Variants in EFHC2 observed in about 807,000 individuals in gnomAD.
EFHC2 encodes the protein EF-hand domain-containing family member C2.
A neutral mutation model predicts 52.7 loss-of-function variants in EFHC2; 18 were observed. The ratio of observed to expected loss-of-function variants is 0.34; its 90% CI spans 0.24 to 0.51. The LOEUF (loss-of-function observed/expected upper bound fraction) is 0.51. Ranked by LOEUF, EFHC2 falls within the 20% of genes least tolerant of loss-of-function variation. The pLI, the probability that EFHC2 is intolerant of heterozygous loss-of-function variation, is 0.97. For missense variants in EFHC2, 513 were observed against 562.5 expected, an observed-to-expected ratio of 0.91 and a Z score of 0.89; for synonymous variants, 203 against 204.1, an observed-to-expected ratio of 0.99 and a Z score of 0.04.
At chrX:44,270,526 T>C (rs1199573187) in intron 3 of EFHC2, among the ~76,000 whole-genome samples, 1 of 111,598 alleles carries the variant, frequency 9.0e-6, no homozygotes, top group Non-Finnish European at 1.9e-5. Context: ...GTATGCTAAG[T>C]AGAGCATGGG....
chrX:44,181,059 C>T (rs755207281), intron 11 of EFHC2, among the ~76,000 whole-genome samples: 1 of 110,908 alleles, frequency 9.0e-6, no homozygotes, highest in Non-Finnish European at 1.9e-5. Flanking sequence ...CATACCACTG[C>T]ACTCCAGCAT....
chrX:44,251,380 A>AAGG (rs1569293908), intron 4 of EFHC2, among the ~76,000 whole-genome samples: 1 of 104,799 alleles, frequency 9.5e-6, no homozygotes, highest in Non-Finnish European at 2.0e-5. Context: ...TTGGGAGGCC[A>AAGG]CAGTGGGTCG....
chrX:44,331,304 T>C (rs1019064074), intron 1 of EFHC2, among the ~76,000 whole-genome samples: 11 of 112,386 alleles, frequency 9.8e-5, no homozygotes, highest in African/African-American at 3.2e-4. Context: ...ACTCCATTTA[T>C]GTAACATTTT....
chrX:44,264,736 T>A (rs950217243), intron 3 of EFHC2, among the ~76,000 whole-genome samples: 4 of 112,176 alleles, frequency 3.6e-5, no homozygotes, highest in Non-Finnish European at 7.5e-5. Flanking sequence ...ACTGTGTCCT[T>A]TGAGAATTAA....
chrX:44,153,557 A>G (rs939160304), intron 14 of EFHC2, among the ~76,000 whole-genome samples: 1 of 111,699 alleles, frequency 9.0e-6, no homozygotes, highest in Non-Finnish European at 1.9e-5. Flanking sequence ...CTATTGGCTT[A>G]CAATTGACTA....
rs1457230646 is a variant in EFHC2 at position 44,210,382 on chromosome X, C to T, written c.1751+19267G>A. On this transcript the variant is annotated intron_variant, in intron 11 of 14. Coordinates refer to ENST00000420999, the MANE Select transcript of EFHC2 (RefSeq NM_025184.4). Reference sequence around the variant, plus strand: ...AAGATCCAGTATAGAGCCAAAATAACTTTGAAAAAGAAGAACAAAGTTGGA... The same window carrying T: ...AAGATCCAGTATAGAGCCAAAATAATTTTGAAAAAGAAGAACAAAGTTGGA... Among the ~76,000 whole-genome samples the T allele has an allele frequency of 1.2e-4, 13 of 112,197 alleles. No individual in the cohort carries two copies. In the Admixed American group the frequency reaches 1.2e-3, roughly 11 times the overall value.
Position 44,343,568 on chromosome X carries a change from C to A in EFHC2, c.21G>T (p.Pro7=), listed in dbSNP as rs1358806754. The change falls in exon 1 of 15, where the codon CCG becomes CCT. Residue 7 remains proline, a synonymous_variant. Transcript: ENST00000420999. MALPLL[P]GNSFNRNVGK... ...TCACGTTGCGGTTGAAGCTGTTGCC[C>A]GGCAGCAGAGGCAGGGCCATGGCGC... The A allele has an allele frequency of 3.3e-6, 4 of 1,196,324 alleles. No homozygotes were observed. The highest frequency in any genetic ancestry group is 6.0e-5 in the East Asian group (2 of 33,066).
In EFHC2 at chrX:44,148,237, G is replaced by GTC. The variant is rs1408971084; in HGVS notation, c.*557_*558insGA. ...CCAGTGTGTGTGCACGTGCGTGTGT[G>GTC]TGTGTGTGTGTGTGTGTGTTGGAGG... On this transcript the variant is annotated 3_prime_UTR_variant, in exon 15 of 15. Transcript: ENST00000420999. 9.0e-6 allele frequency: 1 copy of GTC among 110,691 alleles called. No individual in the cohort carries two copies. The allele number at this position is 110,691 out of a possible 1,213,427, so 9.1% of individuals were successfully genotyped here.
intron 11 of EFHC2, among the ~76,000 whole-genome samples, chrX:44,228,822 C>T (rs905843618): frequency 9.8e-5 from 11 of 111,765 alleles, no homozygotes; most frequent in Non-Finnish European, 1.9e-4. Flanking sequence ...ATCTTGACTG[C>T]ATCAAGCGGA....
chrX:44,317,276 G>T (rs1325043239), intron 1 of EFHC2, among the ~76,000 whole-genome samples: 1 of 111,455 alleles, frequency 9.0e-6, no homozygotes, highest in Non-Finnish European at 1.9e-5. Flanking sequence ...TGCACTTGGG[G>T]CATAACTGCC....
At chrX:44,172,009 C>T (rs2036749480) in intron 13 of EFHC2, among the ~76,000 whole-genome samples, 1 of 112,040 alleles carries the variant, frequency 8.9e-6, no homozygotes, top group Non-Finnish European at 1.9e-5. Flanking sequence ...GGTGAAATCA[C>T]AGGAGCACTA....
intron 9 of EFHC2, among the ~76,000 whole-genome samples, chrX:44,234,995 T>C (rs2037307481): frequency 9.0e-6 from 1 of 111,528 alleles, no homozygotes; most frequent in South Asian, 3.8e-4. Context: ...CAGACCATGA[T>C]TTTGAAGCCC....
chrX:44,222,655 C>T (rs918071311), intron 11 of EFHC2, among the ~76,000 whole-genome samples: 8 of 111,513 alleles, frequency 7.2e-5, no homozygotes, highest in Non-Finnish European at 1.5e-4. Context: ...AACATATATT[C>T]GTGTTCCCTG....
chrX:44,313,457 A>AT (rs1219196939), intron 1 of EFHC2, among the ~76,000 whole-genome samples: 4 of 111,870 alleles, frequency 3.6e-5, no homozygotes, highest in African/African-American at 1.3e-4. Context: ...AGAGAGGCAT[A>AT]TATGTCCTAT....
At chrX:44,171,785 A>T (rs1006407598) in intron 13 of EFHC2, among the ~76,000 whole-genome samples, 2 of 111,502 alleles carry the variant, frequency 1.8e-5, no homozygotes, top group African/African-American at 6.5e-5. Flanking sequence ...CTTATATTTG[A>T]AAAGGTAGAA....
intron 3 of EFHC2, among the ~76,000 whole-genome samples, chrX:44,268,348 A>G (rs906417675): frequency 1.8e-5 from 2 of 111,838 alleles, no homozygotes; most frequent in African/African-American, 6.5e-5. Flanking sequence ...AAGTCTTAAT[A>G]AAAGCCTTTC....
At chrX:44,205,924 T>TA (rs766842024) in intron 11 of EFHC2, among the ~76,000 whole-genome samples, 2 of 111,553 alleles carry the variant, frequency 1.8e-5, no homozygotes, top group Admixed American at 1.9e-4. Flanking sequence ...CCACAGAATA[T>TA]ACATCCTTCT....
intron 14 of EFHC2, among the ~76,000 whole-genome samples, chrX:44,150,680 G>A (rs967168634): frequency 9.0e-6 from 1 of 111,426 alleles, no homozygotes; most frequent in Non-Finnish European, 1.9e-5. Context: ...TGGCTGAAGC[G>A]GGCATGGAGG....
chrX:44,286,331 A>G (rs1262141212), intron 2 of EFHC2: 1 of 112,599 alleles, frequency 8.9e-6, no homozygotes, highest in Non-Finnish European at 1.9e-5. Context: ...AACTCTGCGT[A>G]TGTCCTGGGT....
Sources: allele counts gnomAD v4.1 joint callset (sites outside exome capture counted in the v4.1 genomes callset), GRCh38; gene constraint gnomAD v4.1.1; transcripts MANE v1.5; gene names NCBI Gene and HGNC (gene_info 2026-07-23, HGNC 2026-07-21).